PTAFR: variants seen among roughly 807,000 people sequenced by gnomAD.
The protein encoded by PTAFR is platelet-activating factor receptor.
A neutral mutation model predicts 14.7 loss-of-function variants in PTAFR; 8 were observed. That is an observed-to-expected ratio of 0.54 (90% CI 0.32 to 0.98). The LOEUF (loss-of-function observed/expected upper bound fraction) is 0.98. Ranked by LOEUF, PTAFR falls within the 50% of genes least tolerant of loss-of-function variation. The pLI, the probability that PTAFR is intolerant of heterozygous loss-of-function variation, is 0.04. For missense variants in PTAFR, 337 were observed against 451.2 expected (o/e 0.75, Z 2.29); for synonymous variants, 156 against 176.5 (o/e 0.88, Z 0.92).
chr1:28,184,662 CAG>C (rs1409605042), intron 1 of PTAFR, among the ~76,000 whole-genome samples: 11 of 151,696 alleles, frequency 7.3e-5, no homozygotes, highest in African/African-American at 2.4e-4. Flanking sequence ...GTTTTTGAGA[CAG>C]AGTCTCCCTC....
chr1:28,179,252 T>C (rs1017321801), upstream of PTAFR, among the ~76,000 whole-genome samples: 1 of 152,110 alleles, frequency 6.6e-6, no homozygotes, highest in Non-Finnish European at 1.5e-5. Flanking sequence ...GGGAGGGACC[T>C]CCGGGATCAA....
At chr1:28,176,444 C>CCA (rs1646514809) in intron 1 of PTAFR, 148 bp downstream of exon 1, 1 of 71,152 alleles carries the variant, frequency 1.4e-5, no homozygotes, top group Non-Finnish European at 2.7e-5. Context: ...GACCCTGTCT[C>CCA]AAAAAAAAAA....
chr1:28,182,062 G>A (rs1450526809), intron 1 of PTAFR, among the ~76,000 whole-genome samples: 2 of 151,958 alleles, frequency 1.3e-5, no homozygotes, highest in Non-Finnish European at 2.9e-5. Context: ...TGGGCCAGGC[G>A]CAGTGGCTCA....
chr1:28,165,689 A>G (rs1463598525), intron 1 of PTAFR, among the ~76,000 whole-genome samples: 1 of 151,902 alleles, frequency 6.6e-6, no homozygotes, highest in Admixed American at 6.6e-5. Flanking sequence ...AGGCTGAGGC[A>G]GGAGAATGGC....
intron 1 of PTAFR, among the ~76,000 whole-genome samples, chr1:28,163,283 C>CAGT (rs2148997414): frequency 6.6e-6 from 1 of 152,278 alleles, no homozygotes; most frequent in South Asian, 2.1e-4. Context: ...GCACCTGATA[C>CAGT]AGTATGTTTT....
At chr1:28,163,481 G>A (rs2148997515) in intron 1 of PTAFR, among the ~76,000 whole-genome samples, 1 of 152,300 alleles carries the variant, frequency 6.6e-6, no homozygotes, top group Non-Finnish European at 1.5e-5. Context: ...CAGGGGAGCT[G>A]TACTGGGGTG....
At chr1:28,174,685 G>A (rs1213350796) in intron 1 of PTAFR, among the ~76,000 whole-genome samples, 4 of 152,198 alleles carry the variant, frequency 2.6e-5, no homozygotes, top group Non-Finnish European at 2.9e-5. Context: ...TCATTCATCT[G>A]TCCTGTGCAT....
chr1:28,186,649 C>T (rs1646608852), intron 1 of PTAFR, among the ~76,000 whole-genome samples: 2 of 152,050 alleles, frequency 1.3e-5, no homozygotes, highest in African/African-American at 4.8e-5. Flanking sequence ...TGGTGCTGGG[C>T]GTAGTGGCAC....
chr1:28,190,217 C>A (rs1014766606), intron 1 of PTAFR, among the ~76,000 whole-genome samples: 2 of 148,824 alleles, frequency 1.3e-5, no homozygotes, highest in African/African-American at 5.0e-5. Flanking sequence ...GATGATCCGC[C>A]TGCCTGGGCC....
At chr1:28,181,101 G>A (rs539503895), upstream of PTAFR, among the ~76,000 whole-genome samples, 20 of 152,064 alleles carry the variant, frequency 1.3e-4, no homozygotes, top group South Asian at 3.5e-3. Flanking sequence ...GCCCTCCTCC[G>A]CCTTCCAAAG....
chr1:28,154,802 A>C, intron 1 of PTAFR, among the ~76,000 whole-genome samples: 1 of 106,646 alleles, frequency 9.4e-6, no homozygotes, highest in Non-Finnish European at 1.7e-5. Flanking sequence ...ACAGAGCAAG[A>C]CTCTGTCTCA....
chr1:28,193,350 A>G (rs536532812), intron 1 of PTAFR, among the ~76,000 whole-genome samples: 1 of 152,090 alleles, frequency 6.6e-6, no homozygotes, highest in Admixed American at 6.6e-5. Flanking sequence ...ATGTGAGGCA[A>G]TATTGTCCGT....
intron 1 of PTAFR, among the ~76,000 whole-genome samples, chr1:28,182,073 T>C (rs1456494921): frequency 6.6e-6 from 1 of 152,054 alleles, no homozygotes; most frequent in Non-Finnish European, 1.5e-5. Flanking sequence ...CAGTGGCTCA[T>C]GCCTGTAATC....
At chr1:28,180,975 T>C (rs1338765816), upstream of PTAFR, among the ~76,000 whole-genome samples, 3 of 152,114 alleles carry the variant, frequency 2.0e-5, no homozygotes, top group Non-Finnish European at 4.4e-5. Context: ...GATTTTTATT[T>C]ATTTATTTTT....
chr1:28,171,279 T>C (rs1646450523), intron 1 of PTAFR, among the ~76,000 whole-genome samples: 1 of 150,742 alleles, frequency 6.6e-6, no homozygotes, highest in African/African-American at 2.4e-5. Context: ...ACTGAGATTG[T>C]GCCACTGCAC....
intron 1 of PTAFR, among the ~76,000 whole-genome samples, chr1:28,191,698 T>C (rs9659439): frequency 6.6e-6 from 1 of 151,880 alleles, no homozygotes; most frequent in Non-Finnish European, 1.5e-5. Context: ...CTTTTCTCTA[T>C]GTACTCTTTT....
intron 1 of PTAFR, among the ~76,000 whole-genome samples, chr1:28,167,193 C>T (rs1298873282): frequency 6.6e-6 from 1 of 152,106 alleles, no homozygotes; most frequent in East Asian, 1.9e-4. Context: ...GGAGAAAAGG[C>T]AACCTTTCGG....
intron 1 of PTAFR, among the ~76,000 whole-genome samples, chr1:28,185,280 A>G (rs1646596972): frequency 6.6e-6 from 1 of 152,238 alleles, no homozygotes; most frequent in South Asian, 2.1e-4. Context: ...TGAATGAATG[A>G]CATTAGAGAG....
chr1:28,187,066 C>T (rs1177690003), intron 1 of PTAFR, among the ~76,000 whole-genome samples: 1 of 152,230 alleles, frequency 6.6e-6, no homozygotes, highest in African/African-American at 2.4e-5. Context: ...TCTGGGATTA[C>T]AGGCGTGAGC....
Sources: allele counts gnomAD v4.1 joint callset (sites outside exome capture counted in the v4.1 genomes callset), GRCh38; gene constraint gnomAD v4.1.1; transcripts MANE v1.5; gene names NCBI Gene and HGNC (gene_info 2026-07-23, HGNC 2026-07-21).